LMBR1: variants seen among roughly 807,000 people sequenced by gnomAD.
LMBR1 encodes limb region 1 protein homolog.
Under a neutral mutation model 73.9 loss-of-function variants are expected in LMBR1, and 52 were observed. That is an observed-to-expected ratio of 0.70 (90% confidence interval 0.56 to 0.89). LMBR1 has a LOEUF of 0.89. Ranked by LOEUF, LMBR1 falls within the 40% of genes least tolerant of loss-of-function variation. LMBR1 has a pLI of 0.00. For synonymous variants in LMBR1, 215 were observed against 209.4 expected, an observed-to-expected ratio of 1.03 and a Z score of -0.23; for missense variants, 539 against 579.8, an observed-to-expected ratio of 0.93 and a Z score of 0.72.
At chr7:156,715,156 T>C (rs751277672) in intron 15 of LMBR1, among the ~76,000 whole-genome samples, 1 of 152,064 alleles carries the variant, frequency 6.6e-6, no homozygotes, top group Admixed American at 6.5e-5. Context: ...TTCACGATGT[T>C]GGCCAGGCTG....
intron 1 of LMBR1, among the ~76,000 whole-genome samples, chr7:156,847,343 G>T (rs1795635544): frequency 6.6e-6 from 1 of 152,144 alleles, no homozygotes; most frequent in Non-Finnish European, 1.5e-5. Flanking sequence ...ACTCCTAGAA[G>T]ATAACAAAGG....
chr7:156,809,606 C>T (rs1832742730), intron 4 of LMBR1, among the ~76,000 whole-genome samples: 1 of 152,116 alleles, frequency 6.6e-6, no homozygotes, highest in Admixed American at 6.6e-5. Context: ...ATAAACACAA[C>T]CATCTTTTTT....
chr7:156,727,700 C>A (rs1816041513), intron 12 of LMBR1, among the ~76,000 whole-genome samples: 1 of 151,932 alleles, frequency 6.6e-6, no homozygotes, highest in Non-Finnish European at 1.5e-5. Context: ...GATAAGAAAT[C>A]TAAAAGGAAA....
At chr7:156,707,743 A>G (rs990672913) in intron 15 of LMBR1, among the ~76,000 whole-genome samples, 8 of 152,322 alleles carry the variant, frequency 5.3e-5, no homozygotes, top group Admixed American at 5.2e-4. Flanking sequence ...CATATACAAC[A>G]GTACCACAGC....
intron 5 of LMBR1, among the ~76,000 whole-genome samples, chr7:156,791,878 G>A (rs1829292302): frequency 6.6e-6 from 1 of 152,076 alleles, no homozygotes; most frequent in Non-Finnish European, 1.5e-5. Flanking sequence ...TTAAAGTTAA[G>A]TACAATAGAA....
intron 9 of LMBR1, among the ~76,000 whole-genome samples, chr7:156,737,305 A>C (rs565842086): frequency 6.6e-6 from 1 of 152,314 alleles, no homozygotes; most frequent in East Asian, 1.9e-4. Context: ...TTTGCTTTTG[A>C]GAAGTCTGAA....
At chr7:156,695,677 C>T (rs1260725524) in intron 15 of LMBR1, among the ~76,000 whole-genome samples, 1 of 152,168 alleles carries the variant, frequency 6.6e-6, no homozygotes, top group Non-Finnish European at 1.5e-5. Flanking sequence ...CCAGACCCCA[C>T]CTCCAACACT....
chr7:156,834,991 T>G (rs1837350639), intron 2 of LMBR1, among the ~76,000 whole-genome samples: 1 of 150,934 alleles, frequency 6.6e-6, no homozygotes, highest in African/African-American at 2.4e-5. Flanking sequence ...AATACAAAAA[T>G]TAGCCAGGTG....
chr7:156,865,226 G>A (rs534418963), intron 1 of LMBR1, among the ~76,000 whole-genome samples: 14 of 152,162 alleles, frequency 9.2e-5, no homozygotes, highest in Admixed American at 3.9e-4. Flanking sequence ...AAGATCACTT[G>A]AGCCTAGGGG....
At chr7:156,731,915 T>C (rs146596544) in intron 10 of LMBR1, among the ~76,000 whole-genome samples, 250 of 150,504 alleles carry the variant, frequency 1.7e-3, no homozygotes, top group Admixed American at 3.2e-3. Flanking sequence ...TAATTCCATA[T>C]CTAGTATGTA....
intron 1 of LMBR1, among the ~76,000 whole-genome samples, chr7:156,859,160 A>G (rs1406738551): frequency 6.6e-6 from 1 of 151,916 alleles, no homozygotes. Context: ...AGGCAGGAGA[A>G]TTGCTTGAAT....
intron 5 of LMBR1, among the ~76,000 whole-genome samples, chr7:156,782,523 C>T (rs1161279272): frequency 6.6e-6 from 1 of 152,032 alleles, no homozygotes; most frequent in Non-Finnish European, 1.5e-5. Flanking sequence ...TAGGAGGTAT[C>T]TCATTGCAGT....
chr7:156,851,505 A>C (rs1306418155), intron 1 of LMBR1, among the ~76,000 whole-genome samples: 1 of 152,206 alleles, frequency 6.6e-6, no homozygotes, highest in African/African-American at 2.4e-5. Context: ...ATGCTGTGAA[A>C]TATTTTAGGC....
chr7:156,781,002 C>A (rs1827035494), intron 5 of LMBR1, among the ~76,000 whole-genome samples: 1 of 152,160 alleles, frequency 6.6e-6, no homozygotes, highest in South Asian at 2.1e-4. Flanking sequence ...GTTTTCAGTT[C>A]CATAAAAGCA....
intron 1 of LMBR1, among the ~76,000 whole-genome samples, chr7:156,858,003 T>C (rs1347902441): frequency 1.4e-5 from 2 of 139,844 alleles, no homozygotes; most frequent in Non-Finnish European, 3.1e-5. Flanking sequence ...AGAAGAAATA[T>C]CTAAATTGAA....
intron 4 of LMBR1, among the ~76,000 whole-genome samples, chr7:156,798,235 C>G (rs1373815579): frequency 6.6e-6 from 1 of 152,166 alleles, no homozygotes; most frequent in Non-Finnish European, 1.5e-5. Flanking sequence ...CGTACAACAA[C>G]TGACACAATG....
At chr7:156,783,480 A>G (rs1827514011) in intron 5 of LMBR1, among the ~76,000 whole-genome samples, 1 of 152,174 alleles carries the variant, frequency 6.6e-6, no homozygotes, top group Non-Finnish European at 1.5e-5. Context: ...TGTCCAACCA[A>G]CATCTTTCAA....
At position 156,763,779 on chromosome 7, in the gene LMBR1, A is replaced by G. The variant is rs1823570973; in HGVS notation, c.440T>C (p.Ile147Thr). The G allele has an allele frequency of 1.3e-6, 2 of 1,596,344 alleles. No homozygotes were observed. Among genetic ancestry groups the G allele is most frequent in the Non-Finnish European group, 1.7e-6 (2 of 1,175,344 alleles). ...AAGAAGCATGACCAAAGTCTCTAAA[A>G]TGCGGGCTCGGATTCCCTGAAAAAT... Reference protein sequence around the residue: ...AGLKKGIRARILETLVMLLLL... With the variant: ...AGLKKGIRARTLETLVMLLLL... The change falls in exon 6 of 17, where the codon ATT becomes ACT. Residue 147 changes from isoleucine to threonine, a missense_variant. Around this residue, in one of 3 missense-constraint regions of LMBR1, gnomAD observed 454 missense variants for 473.4 expected, o/e 0.96. Transcript: ENST00000353442.
intron 1 of LMBR1, among the ~76,000 whole-genome samples, chr7:156,863,742 T>C (rs1240416079): frequency 2.0e-5 from 3 of 152,202 alleles, no homozygotes; most frequent in African/African-American, 7.2e-5. Flanking sequence ...ATTTTTCTCT[T>C]TCTAAAATAA....
Sources: allele counts gnomAD v4.1 joint callset (sites outside exome capture counted in the v4.1 genomes callset), GRCh38; gene constraint gnomAD v4.1.1; regional missense constraint gnomAD v4.1.1; transcripts MANE v1.5; gene names NCBI Gene and HGNC (gene_info 2026-07-23, HGNC 2026-07-21).